ACVR1: variants seen among roughly 807,000 people sequenced by gnomAD.
ACVR1 encodes activin receptor type-1.
Under a neutral mutation model 57.1 loss-of-function variants are expected in ACVR1, and 38 were observed. That is an observed-to-expected ratio of 0.67 (90% CI 0.51 to 0.87). The LOEUF (loss-of-function observed/expected upper bound fraction) is 0.87. Among genes scored for constraint, ACVR1 ranks in the 40% least tolerant of loss-of-function variants. The probability of loss-of-function intolerance (pLI) is 0.00; values close to 1 mark genes in which losing one functional copy is unlikely to be tolerated. For missense variants in ACVR1, 463 were observed against 638.2 expected (o/e 0.73, Z 2.96); for synonymous variants, 212 against 228.1 (o/e 0.93, Z 0.63).
chr2:157,741,873 TGG>T (rs1478441990), intron 9 of ACVR1, among the ~76,000 whole-genome samples: 2 of 151,840 alleles, frequency 1.3e-5, no homozygotes, highest in East Asian at 3.9e-4. Flanking sequence ...AGGAGGGAAG[TGG>T]GGCATGGGCA....
intron 9 of ACVR1, among the ~76,000 whole-genome samples, chr2:157,748,622 T>C (rs1327665019): frequency 6.6e-6 from 1 of 151,226 alleles, no homozygotes; most frequent in Non-Finnish European, 1.5e-5. Context: ...AAAACGTTCA[T>C]GATTCCATTA....
chr2:157,827,187 T>C (rs1425866197), intron 1 of ACVR1, among the ~76,000 whole-genome samples: 2 of 152,152 alleles, frequency 1.3e-5, no homozygotes, highest in Non-Finnish European at 2.9e-5. Flanking sequence ...CTAATTATGA[T>C]TGAACAAGAA....
intron 1 of ACVR1, chr2:157,860,161 G>A (rs1689673754): frequency 6.6e-6 from 1 of 152,282 alleles, no homozygotes; most frequent in African/African-American, 2.4e-5. Flanking sequence ...GGAATTGAAG[G>A]AAAGAAGGCT....
intron 1 of ACVR1, among the ~76,000 whole-genome samples, chr2:157,869,257 A>G (rs900881703): frequency 2.6e-5 from 4 of 152,234 alleles, no homozygotes; most frequent in Non-Finnish European, 5.9e-5. Flanking sequence ...TTTGGAAACA[A>G]TACACAGAAA....
intron 1 of ACVR1, among the ~76,000 whole-genome samples, chr2:157,837,265 C>T (rs903509322): frequency 6.6e-6 from 1 of 152,198 alleles, no homozygotes; most frequent in Non-Finnish European, 1.5e-5. Context: ...ATCACTCAAA[C>T]AGCATGTCTT....
At chr2:157,795,582 T>C (rs1365210685) in intron 3 of ACVR1, among the ~76,000 whole-genome samples, 2 of 152,192 alleles carry the variant, frequency 1.3e-5, no homozygotes, top group Non-Finnish European at 2.9e-5. Flanking sequence ...TTTCCATACT[T>C]GTAAACATCC....
At chr2:157,833,317 A>G (rs907173481) in intron 1 of ACVR1, among the ~76,000 whole-genome samples, 1 of 152,182 alleles carries the variant, frequency 6.6e-6, no homozygotes, top group Non-Finnish European at 1.5e-5. Flanking sequence ...GGAAGGGCAG[A>G]CAAGCATTAC....
At chr2:157,741,666 A>G (rs1385193264) in intron 9 of ACVR1, among the ~76,000 whole-genome samples, 1 of 151,788 alleles carries the variant, frequency 6.6e-6, no homozygotes, top group African/African-American at 2.4e-5. Context: ...AAAAAGATGC[A>G]GTGTTGGTAA....
intron 3 of ACVR1, among the ~76,000 whole-genome samples, chr2:157,786,144 TCCTCAGAGAAG>T (rs1686703417): frequency 1.3e-5 from 2 of 152,180 alleles, no homozygotes; most frequent in South Asian, 4.1e-4. Context: ...ACATGTTACT[TCCTCAGAGAAG>T]CCTTTGTTCA....
At chr2:157,819,190 C>T (rs7593949) in intron 1 of ACVR1, among the ~76,000 whole-genome samples, 1,984 of 151,566 alleles carry the variant, frequency 0.013, 46 homozygotes, top group African/African-American at 0.045. Flanking sequence ...CTCTCTTTCC[C>T]TTGCCACACA....
At chr2:157,818,721 T>C (rs553049102) in intron 1 of ACVR1, among the ~76,000 whole-genome samples, 162 bp from the exon 2 acceptor site, 2 of 152,150 alleles carry the variant, frequency 1.3e-5, no homozygotes, top group Admixed American at 1.3e-4. Flanking sequence ...TTGAAAACAC[T>C]GATAGGAAGA....
chr2:157,849,312 T>C (rs920522), intron 1 of ACVR1, among the ~76,000 whole-genome samples: 13,627 of 152,288 alleles, frequency 0.089, 719 homozygotes, highest in African/African-American at 0.14. Context: ...TACTATTGTT[T>C]CAAACTCTCT....
intron 9 of ACVR1, among the ~76,000 whole-genome samples, chr2:157,752,313 C>T (rs1219246950): frequency 1.3e-5 from 2 of 152,186 alleles, no homozygotes; most frequent in Admixed American, 1.3e-4. Flanking sequence ...GAACAGCAGC[C>T]TTGAGCCCCA....
chr2:157,754,013 G>A (rs1685316446), intron 9 of ACVR1, among the ~76,000 whole-genome samples: 1 of 152,124 alleles, frequency 6.6e-6, no homozygotes, highest in African/African-American at 2.4e-5. Flanking sequence ...AATGATCACT[G>A]GGTCAACAAT....
At chr2:157,825,687 C>G (rs1688318583) in intron 1 of ACVR1, among the ~76,000 whole-genome samples, 1 of 152,226 alleles carries the variant, frequency 6.6e-6, no homozygotes, top group South Asian at 2.1e-4. Context: ...TTCCTCCCCA[C>G]TACTCCATCC....
At chr2:157,764,943 G>A (rs1685807429) in intron 8 of ACVR1, among the ~76,000 whole-genome samples, 1 of 152,096 alleles carries the variant, frequency 6.6e-6, no homozygotes, top group South Asian at 2.1e-4. Context: ...AATCCCTTAT[G>A]TTTAAAAACA....
Position 157,737,498 on chromosome 2 carries a change from C to G in ACVR1, c.*33G>C. The G allele has an allele frequency of 6.2e-7, 1 of 1,612,842 alleles. No homozygotes were observed. Among genetic ancestry groups the G allele is most frequent in the South Asian group, 1.1e-5 (1 of 90,996 alleles). The stretch of plus-strand genomic sequence containing the variant: ...GGTCCCAGCTGGACAATGACAACAA[C>G]GTCAAATCTTCCTTCTTGACACTAT... On this transcript the variant is annotated 3_prime_UTR_variant, in exon 11 of 11. Coordinates refer to ENST00000434821, the MANE Select transcript of ACVR1 (RefSeq NM_001111067.4).
intron 3 of ACVR1, among the ~76,000 whole-genome samples, chr2:157,786,146 C>G (rs1027602008): frequency 6.6e-6 from 1 of 152,178 alleles, no homozygotes; most frequent in Non-Finnish European, 1.5e-5. Flanking sequence ...ATGTTACTTC[C>G]TCAGAGAAGC....
chr2:157,849,265 T>C (rs917207851), intron 1 of ACVR1, among the ~76,000 whole-genome samples: 2 of 152,218 alleles, frequency 1.3e-5, no homozygotes, highest in Non-Finnish European at 2.9e-5. Context: ...TATCACATTA[T>C]CAAAAGAAAC....
Sources: allele counts gnomAD v4.1 joint callset (sites outside exome capture counted in the v4.1 genomes callset), GRCh38; gene constraint gnomAD v4.1.1; transcripts MANE v1.5; gene names NCBI Gene and HGNC (gene_info 2026-07-23, HGNC 2026-07-21).